The following PPP6C variants were observed in gnomAD, a reference collection of about 807,000 sequenced individuals.
The protein encoded by PPP6C is serine/threonine-protein phosphatase 6 catalytic subunit.
Under a neutral mutation model 39.8 loss-of-function variants are expected in PPP6C, and 11 were observed. That is an observed-to-expected ratio of 0.28 (90% CI 0.17 to 0.46). The LOEUF (loss-of-function observed/expected upper bound fraction) is 0.46, where lower values mean the gene tolerates loss of function less well. Ranked by LOEUF, PPP6C falls within the 20% of genes least tolerant of loss-of-function variation. The probability of loss-of-function intolerance (pLI) is 1.00; values close to 1 mark genes in which losing one functional copy is unlikely to be tolerated. For synonymous variants in PPP6C, 129 were observed against 130.3 expected (o/e 0.99, Z 0.07); for missense variants, 211 against 373.9 (o/e 0.56, Z 3.59).
At chr9:125,151,289 GC>G in intron 6 of PPP6C, 1 of 1,492,078 alleles carries the variant, frequency 6.7e-7, no homozygotes, top group African/African-American at 1.4e-5. Context: ...GGCCATCCTT[GC>G]GGATGACATG....
chr9:125,168,066 A>C (rs1588285452), intron 2 of PPP6C, among the ~76,000 whole-genome samples: 1 of 152,300 alleles, frequency 6.6e-6, no homozygotes, highest in Middle Eastern at 3.4e-3. Context: ...AGTATATTCT[A>C]GTGTCATTCC....
chr9:125,181,166 T>A (rs1384528032), intron 1 of PPP6C, among the ~76,000 whole-genome samples: 1 of 152,090 alleles, frequency 6.6e-6, no homozygotes, highest in Non-Finnish European at 1.5e-5. Flanking sequence ...CTCAATCAAC[T>A]ACACTCACAG....
intron 3 of PPP6C, among the ~76,000 whole-genome samples, chr9:125,159,663 C>A (rs1264996631): frequency 1.3e-5 from 2 of 152,202 alleles, no homozygotes; most frequent in African/African-American, 4.8e-5. Context: ...ACTATTTACA[C>A]TTCCCATTAA....
At chr9:125,185,247 A>ATT (rs569496601) in intron 1 of PPP6C, among the ~76,000 whole-genome samples, 10 of 137,138 alleles carry the variant, frequency 7.3e-5, no homozygotes, top group Admixed American at 3.7e-4. Flanking sequence ...CACATATGTC[A>ATT]TTTTTTTTTT....
chr9:125,153,001 G>A (rs946616950), intron 6 of PPP6C, among the ~76,000 whole-genome samples: 6 of 151,878 alleles, frequency 4.0e-5, no homozygotes, highest in Non-Finnish European at 7.4e-5. Context: ...GGCCGGGTGC[G>A]GTGGCTCACA....
chr9:125,153,764 G>A (rs1414391429), intron 5 of PPP6C, 22 bp from the exon 6 acceptor site: 2 of 1,604,492 alleles, frequency 1.2e-6, no homozygotes, highest in Admixed American at 1.7e-5. Context: ...GGATAACAAA[G>A]AGTTGAACAT....
intron 1 of PPP6C, among the ~76,000 whole-genome samples, chr9:125,172,768 C>CACAA (rs1829204417): frequency 6.6e-6 from 1 of 150,626 alleles, no homozygotes; most frequent in Non-Finnish European, 1.5e-5. Context: ...CACACACACA[C>CACAA]ACAAACACAA....
In PPP6C at chr9:125,189,797, G is replaced by C; in HGVS notation, c.-79C>G. ...GCGGCAGCGGCGGAGGCCGAAGCCG[G>C]AACTTTCCCTGCGTCACGTCCGGCC... On this transcript the variant is annotated 5_prime_UTR_variant, in exon 1 of 7. Coordinates refer to ENST00000373547, the MANE Select transcript of PPP6C (RefSeq NM_002721.5). The C allele has an allele frequency of 6.7e-7, 1 of 1,482,704 alleles. No homozygotes were observed. Among genetic ancestry groups the C allele is most frequent in the Non-Finnish European group, 9.0e-7 (1 of 1,108,754 alleles). 91.8% of individuals were successfully genotyped at this position (1,482,704 alleles called of 1,614,324 possible).
At chr9:125,172,107 CACA>C in intron 1 of PPP6C, 1 of 357,896 alleles carries the variant, frequency 2.8e-6, no homozygotes, top group Non-Finnish European at 5.4e-6. Context: ...AATACTGCCA[CACA>C]ACAACCTGGA....
intron 2 of PPP6C, among the ~76,000 whole-genome samples, chr9:125,163,104 A>G (rs751150851): frequency 9.2e-5 from 14 of 152,102 alleles, no homozygotes; most frequent in Non-Finnish European, 1.6e-4. Context: ...TTATGACAAC[A>G]TTTAAAACAT....
In PPP6C at chr9:125,149,371, C is replaced by T. The variant is rs530334806; in HGVS notation, c.*302G>A. 60 of 251,126 alleles carry T rather than the reference C, an allele frequency of 2.4e-4. No homozygotes were observed. Among genetic ancestry groups the T allele is most frequent in the African/African-American group, 1.2e-3 (54 of 45,050 alleles). The allele number at this position is 251,126 out of a possible 1,614,324, so 15.6% of individuals were successfully genotyped here. On this transcript the variant is annotated 3_prime_UTR_variant, in exon 7 of 7. Transcript: ENST00000373547. ...GGCTTTTAAAAAAAGGAAACACATC[C>T]TGTTTCCCAGACCAGTAAATAAGCA...
chr9:125,189,748 G>A lies in PPP6C; in HGVS notation c.-30C>T. 9 of 1,560,968 alleles carry A rather than the reference G, an allele frequency of 5.8e-6. No homozygotes were observed. The highest frequency in any genetic ancestry group is 7.8e-6 in the Non-Finnish European group (9 of 1,157,424). ...AGAATAACAAGCCGCGGCAACAGCG[G>A]CGGCGGCGGCTGTAGCAGCGGCGGC... On this transcript the variant is annotated 5_prime_UTR_variant, in exon 1 of 7. Coordinates refer to ENST00000373547, the MANE Select transcript of PPP6C (RefSeq NM_002721.5).
At chr9:125,156,018 CATT>C in intron 4 of PPP6C, among the ~76,000 whole-genome samples, 1 of 150,756 alleles carries the variant, frequency 6.6e-6, no homozygotes, top group Non-Finnish European at 1.5e-5. Flanking sequence ...GTTTTTATAA[CATT>C]AGTTTTAGTA....
rs1254738675 is a variant in PPP6C, at chr9:125,159,825, C to T, written c.237+1016G>A. Among the ~76,000 whole-genome samples, 5 of 152,164 alleles carry T rather than the reference C, an allele frequency of 3.3e-5. No individual in the cohort carries two copies. In the East Asian group the frequency reaches 9.6e-4, roughly 29 times the overall value. On this transcript the variant is annotated intron_variant, in intron 3 of 6. Transcript: ENST00000373547. ...GATCACGAGTTCAAGAGATCCAGACCATCCTGGCCAACATAGTGAAATCCT... is the reference window on the plus strand; with the variant it reads ...GATCACGAGTTCAAGAGATCCAGACTATCCTGGCCAACATAGTGAAATCCT...
At chr9:125,155,968 T>C (rs1588274615) in intron 4 of PPP6C, among the ~76,000 whole-genome samples, 2 of 151,822 alleles carry the variant, frequency 1.3e-5, no homozygotes, top group East Asian at 3.9e-4. Context: ...TTATATATTA[T>C]ACATGTAGCA....
chr9:125,149,959 A>C, intron 6 of PPP6C, 38 bp from the exon 7 acceptor site: 1 of 1,593,544 alleles, frequency 6.3e-7, no homozygotes, highest in Non-Finnish European at 8.5e-7. Flanking sequence ...CTTAGCACTT[A>C]AAAAACAATC....
chr9:125,189,499 C>G lies in PPP6C; in HGVS notation c.75+145G>C. Reference sequence around the variant, plus strand: ...TCGGCTCGCGAGACCCTCGGCGTGACGCCGGGTAGGACCGGGTCGACTGGC... The same window carrying G: ...TCGGCTCGCGAGACCCTCGGCGTGAGGCCGGGTAGGACCGGGTCGACTGGC... On this transcript the variant is annotated intron_variant, in intron 1 of 6. Transcript: ENST00000373547. 5 of 1,457,890 alleles carry G rather than the reference C, an allele frequency of 3.4e-6. No individual in the cohort carries two copies. The South Asian group carries it at 4.2e-5, about 12-fold the overall frequency. 90.3% of individuals were successfully genotyped at this position (1,457,890 alleles called of 1,614,324 possible). A position where few individuals can be genotyped will look rare whatever the true frequency, so the allele number is the denominator to read the frequency against.
Position 125,149,676 on chromosome 9 carries a change from A to G in PPP6C, c.915T>C (p.Leu305=), listed in dbSNP as rs745932435. 33 of 1,613,682 alleles carry G rather than the reference A, an allele frequency of 2.0e-5. No homozygotes were observed. The highest frequency in any genetic ancestry group is 2.6e-5 in the Non-Finnish European group (31 of 1,179,668). Residue 305 remains leucine (L), a synonymous_variant, in exon 7 of 7, where the codon CTT becomes CTC. Transcript: ENST00000373547. ...IPPRTTTPYF[L] Reference sequence around the variant, plus strand: ...GTCAGCAGGATGGGCGAAGGCCTCAAAGGAAATATGGCGTTGTCGTTCTGG... The same window carrying G: ...GTCAGCAGGATGGGCGAAGGCCTCAGAGGAAATATGGCGTTGTCGTTCTGG...
chr9:125,187,698 C>G (rs1341454923), intron 1 of PPP6C, among the ~76,000 whole-genome samples: 4 of 151,844 alleles, frequency 2.6e-5, no homozygotes, highest in African/African-American at 9.7e-5. Context: ...GTCAACCTCA[C>G]CTATGGGATT....
Sources: gnomAD v4.1 joint callset for allele counts (sites outside exome capture counted in the v4.1 genomes callset) on GRCh38, gnomAD v4.1.1 for gene constraint, MANE v1.5 for transcripts, NCBI Gene and HGNC (gene_info 2026-07-23, HGNC 2026-07-21) for gene names.